INTS10: variants seen among roughly 807,000 people sequenced by gnomAD.
The protein encoded by INTS10 is chromosome 8 open reading frame 35.
In INTS10, 44 loss-of-function variants were observed where a neutral mutation model predicts 94.4. That is an observed-to-expected ratio of 0.47 (90% confidence interval 0.37 to 0.60). The LOEUF (loss-of-function observed/expected upper bound fraction) is 0.60, where lower values mean the gene tolerates loss of function less well. Ranked by LOEUF, INTS10 falls within the 20% of genes least tolerant of loss-of-function variation. The pLI, the probability that INTS10 is intolerant of heterozygous loss-of-function variation, is 0.00. For missense variants in INTS10, 797 were observed against 868.7 expected (o/e 0.92, Z 1.04); for synonymous variants, 341 against 320.7 (o/e 1.06, Z -0.68).
intron 12 of INTS10, among the ~76,000 whole-genome samples, chr8:19,834,617 T>C (rs2067504213): frequency 6.6e-6 from 1 of 152,180 alleles, no homozygotes; most frequent in South Asian, 2.1e-4. Context: ...CTCATTTCCT[T>C]TGAGGGCTTA....
intron 5 of INTS10, among the ~76,000 whole-genome samples, chr8:19,822,905 G>C (rs4922105): frequency 6.6e-6 from 1 of 151,450 alleles, no homozygotes; most frequent in Admixed American, 6.6e-5. Flanking sequence ...AGCCGAGATC[G>C]CGCCACTGTA....
Position 19,824,963 on chromosome 8 carries a change from C to G in INTS10, c.997C>G (p.Leu333Val). The G allele has an allele frequency of 6.2e-7, 1 of 1,613,704 alleles. No homozygotes were observed. Among genetic ancestry groups the G allele is most frequent in the Non-Finnish European group, 8.5e-7 (1 of 1,179,838 alleles). The change falls in exon 8 of 17, where the codon CTC becomes GTC. Residue 333 changes from leucine to valine, a missense_variant. Leu to Val is a conservative substitution (Grantham distance 32). This residue lies in a region of INTS10 where 734 missense variants were observed against 787.8 expected (regional missense o/e 0.93). Transcript: ENST00000397977. ...GTATGTCAACAGCATACAGCCATCT[C>G]TCTTCCAAGGTTGGTTTACAAATTT... ...FQYVNSIQPS[L>V]FQGPNAPSQV...
In INTS10 at chr8:19,824,734, C is replaced by G. The variant is rs940240572; in HGVS notation, c.837-69C>G. On this transcript the variant is annotated intron_variant, in intron 7 of 16. Transcript: ENST00000397977. ...GGTACATGTAATGGTACCACCAGAG[C>G]TTTTCTCTAGACTTCTTGCTGACCA... is the stretch of plus-strand genomic sequence containing the variant. The G allele has an allele frequency of 9.0e-6, 10 of 1,110,734 alleles. No individual in the cohort carries two copies. In the African/African-American group the frequency reaches 1.6e-4, roughly 18 times the overall value. The allele number at this position is 1,110,734 out of a possible 1,614,324, so 68.8% of individuals were successfully genotyped here.
At chr8:19,827,609 C>T (rs2066903855) in intron 9 of INTS10, among the ~76,000 whole-genome samples, 2 of 152,130 alleles carry the variant, frequency 1.3e-5, no homozygotes, top group South Asian at 4.1e-4. Context: ...TTGATCCCTC[C>T]TGGGTTTGGT....
intron 5 of INTS10, 130 bp from the exon 6 acceptor site, chr8:19,823,171 A>G: frequency 1.5e-6 from 1 of 672,846 alleles, no homozygotes; most frequent in Non-Finnish European, 2.6e-6. Flanking sequence ...TGAATACATG[A>G]GTCATAAGGG....
chr8:19,835,415 G>A (rs2067573253), intron 12 of INTS10, among the ~76,000 whole-genome samples: 2 of 152,288 alleles, frequency 1.3e-5, no homozygotes, highest in Middle Eastern at 6.8e-3. Flanking sequence ...GGGGCACATG[G>A]TTTGAGTTAG....
intron 4 of INTS10, 131 bp from the exon 5 acceptor site, chr8:19,822,308 G>T: frequency 1.8e-6 from 1 of 562,158 alleles, no homozygotes; most frequent in East Asian, 3.0e-5. Context: ...TCTTTAAAAT[G>T]TGATTATTTG....
intron 12 of INTS10, among the ~76,000 whole-genome samples, chr8:19,836,490 A>G (rs984291180): frequency 1.3e-5 from 2 of 152,268 alleles, no homozygotes; most frequent in Admixed American, 6.5e-5. Flanking sequence ...ACCTAAACCC[A>G]TATATAGCCC....
chr8:19,837,385 C>A, intron 13 of INTS10: 1 of 500,186 alleles, frequency 2.0e-6, no homozygotes, highest in Non-Finnish European at 3.6e-6. Flanking sequence ...CAATGTTTTA[C>A]AGTTCCTAAT....
rs1259542465 is a variant in INTS10 at position 19,837,158 on chromosome 8, A to G, written c.1637A>G (p.Lys546Arg). ...TCGAAAGTAAAGCCCAAATTTAGAA[A>G]AGGTACAGTGACATGTTTTATGACT... ...EPSKVKPKFR[K>R]GSDLKLLPCT... Residue 546 changes from lysine (K) to arginine (R), a missense_variant and splice_region_variant, in exon 13 of 17, where the codon AAA (lysine) becomes AGA (arginine). By Grantham distance (26) the Lys-to-Arg change is conservative. Coordinates refer to ENST00000397977, the MANE Select transcript of INTS10 (RefSeq NM_018142.4). 2 of 1,582,134 alleles carry G rather than the reference A, an allele frequency of 1.3e-6. No individual in the cohort carries two copies. The highest frequency in any genetic ancestry group is 1.7e-6 in the Non-Finnish European group (2 of 1,151,062).
In INTS10 at chr8:19,833,305, C is replaced by T. The variant is rs201666509; in HGVS notation, c.1514C>T (p.Ala505Val). 367 of 1,610,860 alleles carry T rather than the reference C, an allele frequency of 2.3e-4. 2 individuals are homozygous for T. In the African/African-American group the frequency reaches 3.7e-3, roughly 16 times the overall value. The part of the protein sequence containing the change: ...ALIQLATCHF[A>V]LGEYRMTCEK... ...ATCCAGCTGGCGACGTGCCACTTTG[C>T]GCTAGGGGAGTACAGAGTGAGTACT... Residue 505 changes from alanine (A) to valine (V), a missense_variant, in exon 12 of 17, where the codon GCG becomes GTG. By Grantham distance (64) the Ala-to-Val change is moderately conservative. Around this residue, in one of 3 missense-constraint regions of INTS10, gnomAD observed 734 missense variants for 787.8 expected, o/e 0.93. Transcript: ENST00000397977.
chr8:19,847,603 G>A (rs144996023), intron 16 of INTS10, among the ~76,000 whole-genome samples: 67 of 152,316 alleles, frequency 4.4e-4, no homozygotes, highest in Middle Eastern at 3.4e-3. Flanking sequence ...ACCTGCAGAT[G>A]ATTATCACTT....
chr8:19,824,544 T>C (rs1408843312), intron 7 of INTS10: 6 of 371,848 alleles, frequency 1.6e-5, no homozygotes, highest in Admixed American at 4.6e-5. Flanking sequence ...TATGAACTCT[T>C]AAGACGATGT....
At chr8:19,838,654 G>C (rs1410896045) in intron 13 of INTS10, among the ~76,000 whole-genome samples, 4 of 152,152 alleles carry the variant, frequency 2.6e-5, no homozygotes, top group Admixed American at 2.6e-4. Flanking sequence ...TTAAAGGCCA[G>C]TATCCATCAT....
rs138829098 is a variant in INTS10 at position 19,851,423 on chromosome 8, G to A, written c.1977-226G>A. Among the ~76,000 whole-genome samples, 541 of 152,330 alleles carry A rather than the reference G, an allele frequency of 3.6e-3. 6 individuals are homozygous for A. The highest frequency in any genetic ancestry group is 0.013 in the African/African-American group (521 of 41,570). ...CATTTTACTGAACAATTAAATGTTTGAAGTAACCTTTTATAGAGTGAGAAA... is the reference window on the plus strand; with the variant it reads ...CATTTTACTGAACAATTAAATGTTTAAAGTAACCTTTTATAGAGTGAGAAA... On this transcript the variant is annotated intron_variant, in intron 16 of 16. Transcript: ENST00000397977. The surrounding 1 kb of genome is among the most constrained non-coding windows in gnomAD (Gnocchi z 5.0).
Position 19,849,989 on chromosome 8 carries a change from G to A in INTS10, c.1977-1660G>A, listed in dbSNP as rs1215386252. Among the ~76,000 whole-genome samples the A allele has an allele frequency of 1.3e-5, 2 of 152,010 alleles. No homozygotes were observed. The highest frequency in any genetic ancestry group is 2.9e-5 in the Non-Finnish European group (2 of 68,002). On this transcript the variant is annotated intron_variant, in intron 16 of 16. Coordinates refer to ENST00000397977, the MANE Select transcript of INTS10 (RefSeq NM_018142.4). This position sits in a 1 kb window ranked among gnomAD's most constrained non-coding sequence, Gnocchi z 4.6. Reference sequence around the variant, plus strand: ...GCAGGGTTTATTAGCCAGGCCTGGTGGCATATGCCTGTAATCCCAGCTACT... The same window carrying A: ...GCAGGGTTTATTAGCCAGGCCTGGTAGCATATGCCTGTAATCCCAGCTACT...
intron 7 of INTS10, chr8:19,824,428 G>T (rs1245950480): frequency 2.1e-5 from 4 of 187,820 alleles, no homozygotes; most frequent in Non-Finnish European, 3.3e-5. Flanking sequence ...GGACGTGGAG[G>T]CTACGATGAG....
intron 7 of INTS10, chr8:19,824,554 T>A: frequency 2.6e-6 from 1 of 388,028 alleles, no homozygotes; most frequent in Non-Finnish European, 4.5e-6. Flanking sequence ...TAAGACGATG[T>A]TGTGTTTGAA....
Position 19,817,458 on chromosome 8 carries a change from C to CGGCGGCGGT in INTS10, c.-78_-77insCGGCGGTGG. ...TCCCCCGCGGTGGCGGCGGCGGCGG[C>CGGCGGCGGT]GGTGGCTGCCGTGGCGGCTGAGAGT... On this transcript the variant is annotated 5_prime_UTR_variant, in exon 1 of 17. Transcript: ENST00000397977. The CGGCGGCGGT allele has an allele frequency of 6.6e-7, 1 of 1,505,832 alleles. No homozygotes were observed. Among genetic ancestry groups the CGGCGGCGGT allele is most frequent in the Non-Finnish European group, 8.9e-7 (1 of 1,124,078 alleles). 93.3% of individuals were successfully genotyped at this position (1,505,832 alleles called of 1,614,324 possible).
Sources: gnomAD v4.1 joint callset for allele counts (sites outside exome capture counted in the v4.1 genomes callset) on GRCh38, gnomAD v4.1.1 for gene constraint, gnomAD v4.1.1 regional missense constraint, Gnocchi (gnomAD v3.1) non-coding constraint, MANE v1.5 for transcripts, NCBI Gene and HGNC (gene_info 2026-07-23, HGNC 2026-07-21) for gene names.